USP32: variants seen among roughly 807,000 people sequenced by gnomAD.
USP32 encodes ubiquitin specific peptidase 32, also known as ubiquitin carboxyl-terminal hydrolase 32.
In USP32, 59 loss-of-function variants were observed where a neutral mutation model predicts 204.8. The ratio of observed to expected loss-of-function variants is 0.29; its 90% CI spans 0.23 to 0.36. The LOEUF (loss-of-function observed/expected upper bound fraction) is 0.36, where lower values mean the gene tolerates loss of function less well. Among genes scored for constraint, USP32 ranks in the 10% least tolerant of loss-of-function variants. The probability of loss-of-function intolerance (pLI) is 1.00; values close to 1 mark genes in which losing one functional copy is unlikely to be tolerated. For missense variants in USP32, 1,160 were observed against 1,946.4 expected (o/e 0.60, Z 7.60); for synonymous variants, 517 against 678.4 (o/e 0.76, Z 3.70).
chr17:60,212,983 C>A (rs2085010726), intron 18 of USP32, among the ~76,000 whole-genome samples: 1 of 152,186 alleles, frequency 6.6e-6, no homozygotes, highest in African/African-American at 2.4e-5. Flanking sequence ...GAACTCCTGA[C>A]CTCAAGTGAT....
chr17:60,206,906 T>C, intron 25 of USP32, 115 bp downstream of exon 25: 2 of 1,475,956 alleles, frequency 1.4e-6, no homozygotes, highest in Non-Finnish European at 1.8e-6. Flanking sequence ...TTCCCTTGGG[T>C]TCCAAAATTC....
chr17:60,236,280 T>C, intron 11 of USP32, 40 bp from the exon 12 acceptor site: 1 of 1,526,372 alleles, frequency 6.6e-7, no homozygotes, highest in Non-Finnish European at 9.0e-7. Flanking sequence ...AAACAAAGTG[T>C]GAAATAGGTG....
chr17:60,253,427 G>A (rs932702576), intron 10 of USP32, among the ~76,000 whole-genome samples: 1 of 150,202 alleles, frequency 6.7e-6, no homozygotes, highest in African/African-American at 2.5e-5. Context: ...AAAAAAAAAA[G>A]CCTACAGAAC....
At chr17:60,355,195 A>G (rs2089039147) in intron 1 of USP32, among the ~76,000 whole-genome samples, 1 of 152,224 alleles carries the variant, frequency 6.6e-6, no homozygotes, top group Non-Finnish European at 1.5e-5. Flanking sequence ...AAAAAAGAGC[A>G]GATACTCTGT....
rs181109788 is a variant in USP32, at chr17:60,338,979, G to A, written c.186+6502C>T. Among the ~76,000 whole-genome samples, 200 of 152,064 alleles carry A rather than the reference G, an allele frequency of 1.3e-3. 1 individual carries two copies. The highest frequency in any genetic ancestry group is 4.5e-3 in the African/African-American group (188 of 41,490). On this transcript the variant is annotated intron_variant, in intron 2 of 33. Transcript: ENST00000300896. Reference sequence around the variant, plus strand: ...GGCTGGAGAGCAGTGACGTGATCTTGGCTGATTGCAACCTCTGTCTCCTGG... The same window carrying A: ...GGCTGGAGAGCAGTGACGTGATCTTAGCTGATTGCAACCTCTGTCTCCTGG...
chr17:60,349,644 T>TA (rs2088898996), intron 1 of USP32, among the ~76,000 whole-genome samples: 1 of 96,396 alleles, frequency 1.0e-5, no homozygotes, highest in African/African-American at 7.4e-5. Flanking sequence ...ATATATATAT[T>TA]ATATATATAC....
At chr17:60,267,296 A>G (rs2086618878) in intron 7 of USP32, among the ~76,000 whole-genome samples, 1 of 151,732 alleles carries the variant, frequency 6.6e-6, no homozygotes, top group Non-Finnish European at 1.5e-5. Flanking sequence ...AATCTCAGCT[A>G]CTTGGGAGGC....
At chr17:60,196,210 G>C (rs2084510170) in intron 27 of USP32, among the ~76,000 whole-genome samples, 1 of 150,358 alleles carries the variant, frequency 6.7e-6, no homozygotes, top group Non-Finnish European at 1.5e-5. Flanking sequence ...GAGGTGCAGT[G>C]AGCCGAGATC....
At chr17:60,370,593 T>A (rs2089417817) in intron 1 of USP32, among the ~76,000 whole-genome samples, 1 of 151,006 alleles carries the variant, frequency 6.6e-6, no homozygotes, top group African/African-American at 2.4e-5. Flanking sequence ...AAACCCTGCC[T>A]CTACAAAAAA....
At chr17:60,279,479 C>CA (rs1285752901) in intron 5 of USP32, among the ~76,000 whole-genome samples, 243 of 111,800 alleles carry the variant, frequency 2.2e-3, no homozygotes, top group Middle Eastern at 6.6e-3. Context: ...GACTCTGTCT[C>CA]AAAAAAAAAA....
In USP32 at chr17:60,309,472, C is replaced by T. The variant is rs1047010301; in HGVS notation, c.187-7768G>A. 2.6e-5 allele frequency among the ~76,000 whole-genome samples: 4 copies of T among 151,686 alleles called. No individual in the cohort carries two copies. The East Asian group carries it at 5.9e-4, about 22-fold the overall frequency. ...CAAAAATTAGCTGGGTGTGGTGGCA[C>T]GCACTTGTAATCACAGTTACTCGGG... On this transcript the variant is annotated intron_variant, in intron 2 of 33. Coordinates refer to ENST00000300896, the MANE Select transcript of USP32 (RefSeq NM_032582.4).
At chr17:60,396,369 G>C (rs1342680114), upstream of USP32, among the ~76,000 whole-genome samples, 4 of 152,074 alleles carry the variant, frequency 2.6e-5, no homozygotes, top group African/African-American at 9.7e-5. Context: ...GAGCCACCAC[G>C]CCTGTCCCGA....
intron 5 of USP32, among the ~76,000 whole-genome samples, chr17:60,273,820 C>A (rs940849537): frequency 1.3e-5 from 2 of 151,710 alleles, no homozygotes; most frequent in Non-Finnish European, 2.9e-5. Flanking sequence ...ATTAGCTGGG[C>A]GTGGTGGCGG....
chr17:60,232,615 T>C (rs1392775859), intron 12 of USP32, among the ~76,000 whole-genome samples: 3 of 151,204 alleles, frequency 2.0e-5, no homozygotes, highest in Non-Finnish European at 2.9e-5. Flanking sequence ...GGCATCATCT[T>C]GGCTCTCTAC....
chr17:60,382,737 G>A (rs551885000), intron 1 of USP32, among the ~76,000 whole-genome samples: 3 of 152,150 alleles, frequency 2.0e-5, no homozygotes, highest in African/African-American at 7.2e-5. Flanking sequence ...CATCATAAAT[G>A]AAAAGTACAT....
intron 1 of USP32, among the ~76,000 whole-genome samples, chr17:60,367,947 T>C (rs2089351219): frequency 6.6e-6 from 1 of 152,058 alleles, no homozygotes; most frequent in Non-Finnish European, 1.5e-5. Context: ...GCACTTACAC[T>C]GTATTAGGAA....
At chr17:60,330,008 TAA>T (rs1224193074) in intron 2 of USP32, among the ~76,000 whole-genome samples, 1 of 152,210 alleles carries the variant, frequency 6.6e-6, no homozygotes, top group Non-Finnish European at 1.5e-5. Context: ...AATAATTAAA[TAA>T]TTTCTTTGAA....
At chr17:60,318,655 A>C (rs1252348400) in intron 2 of USP32, among the ~76,000 whole-genome samples, 2 of 152,228 alleles carry the variant, frequency 1.3e-5, no homozygotes, top group Non-Finnish European at 2.9e-5. Flanking sequence ...GGCTGGGACT[A>C]GGTCAGGTGA....
At chr17:60,245,477 G>A in intron 11 of USP32, 1 of 340,310 alleles carries the variant, frequency 2.9e-6, no homozygotes, top group Non-Finnish European at 5.6e-6. Flanking sequence ...CCACTGGGCA[G>A]CATGTGGTTT....
Sources: allele counts gnomAD v4.1 joint callset (sites outside exome capture counted in the v4.1 genomes callset), GRCh38; gene constraint gnomAD v4.1.1; transcripts MANE v1.5; gene names NCBI Gene and HGNC (gene_info 2026-07-23, HGNC 2026-07-21).